The following IGSF11 variants were observed in gnomAD, a reference collection of about 807,000 sequenced individuals.
IGSF11 encodes the protein CXADR like 1.
A neutral mutation model predicts 41.0 loss-of-function variants in IGSF11; 22 were observed. The observed-to-expected ratio is 0.54, with a 90% CI of 0.38 to 0.77. The LOEUF is 0.77. IGSF11 is among the 30% of genes least tolerant of loss of function. The pLI is 0.00. For synonymous variants in IGSF11, 219 were observed against 201.3 expected, an observed-to-expected ratio of 1.09 and a Z score of -0.74; for missense variants, 444 against 530.8, an observed-to-expected ratio of 0.84 and a Z score of 1.61.
chr3:118,984,026 G>T (rs1935006476), intron 1 of IGSF11, among the ~76,000 whole-genome samples: 1 of 151,934 alleles, frequency 6.6e-6, no homozygotes, highest in South Asian at 2.1e-4. Flanking sequence ...TTCCTAGGGG[G>T]TTCAAATACA....
At chr3:119,097,957 A>ATTTTTTTTTTTTTTTTTTTTTTTTTTT (rs377746200) in intron 1 of IGSF11, among the ~76,000 whole-genome samples, 3 of 58,362 alleles carry the variant, frequency 5.1e-5, no homozygotes, top group South Asian at 1.1e-3. Context: ...CATTCAGCTA[A>ATTTTTTTTTTTTTTTTTTTTTTTTTTT]TTTTTTTTTT....
chr3:119,124,885 G>A (rs1653750306), intron 1 of IGSF11, among the ~76,000 whole-genome samples: 1 of 151,970 alleles, frequency 6.6e-6, no homozygotes, highest in African/African-American at 2.4e-5. Flanking sequence ...ACTCCCAAAG[G>A]TCAAGTATAA....
chr3:119,134,263 G>C (rs2077525343), intron 1 of IGSF11, among the ~76,000 whole-genome samples: 1 of 142,050 alleles, frequency 7.0e-6, no homozygotes, highest in Admixed American at 6.9e-5. Flanking sequence ...TAGGAAAAGA[G>C]GAAGTCAAAG....
chr3:119,076,120 A>G (rs1254603125), intron 1 of IGSF11, among the ~76,000 whole-genome samples: 1 of 152,206 alleles, frequency 6.6e-6, no homozygotes, highest in Non-Finnish European at 1.5e-5. Context: ...ATCTACAACC[A>G]TCTGATCTTT....
intron 1 of IGSF11, among the ~76,000 whole-genome samples, chr3:118,969,904 C>T (rs1229203168): frequency 6.6e-6 from 1 of 152,180 alleles, no homozygotes; most frequent in African/African-American, 2.4e-5. Flanking sequence ...AGCTCCTTCC[C>T]TCATCCTCCT....
At chr3:118,953,040 C>T (rs1488222881) in intron 1 of IGSF11, among the ~76,000 whole-genome samples, 1 of 151,884 alleles carries the variant, frequency 6.6e-6, no homozygotes, top group Non-Finnish European at 1.5e-5. Context: ...AGTCTTTTAT[C>T]CCGCATCCCC....
intron 1 of IGSF11, among the ~76,000 whole-genome samples, chr3:119,126,416 G>A (rs374484225): frequency 6.6e-6 from 1 of 152,230 alleles, no homozygotes; most frequent in South Asian, 2.1e-4. Flanking sequence ...TGCAGTCTCT[G>A]CAGACCAGCA....
chr3:118,901,321 A>G lies in IGSF11; in HGVS notation c.*1199T>C, dbSNP rs531010822. 2 of 152,326 alleles carry G rather than the reference A, an allele frequency of 1.3e-5. No individual in the cohort carries two copies. Among genetic ancestry groups the G allele is most frequent in the South Asian group, 4.1e-4 (2 of 4,832 alleles). 9.4% of individuals were successfully genotyped at this position (152,326 alleles called of 1,614,324 possible). A position where few individuals can be genotyped will look rare whatever the true frequency, so the allele number is the denominator to read the frequency against. On this transcript the variant is annotated 3_prime_UTR_variant, in exon 7 of 7. Transcript: ENST00000393775. Reference sequence around the variant, plus strand: ...GCATCTGGGCAACACTGCAACCCTGAGCTGACACAAATGTAGGGTAGACAC... The same window carrying G: ...GCATCTGGGCAACACTGCAACCCTGGGCTGACACAAATGTAGGGTAGACAC...
chr3:118,996,355 C>T (rs1357246988), intron 1 of IGSF11, among the ~76,000 whole-genome samples: 1 of 152,178 alleles, frequency 6.6e-6, no homozygotes, highest in African/African-American at 2.4e-5. Context: ...CCAAGTGTCA[C>T]TGATTCTAAT....
In IGSF11 at chr3:118,931,282, C is replaced by A. The variant is rs143488401; in HGVS notation, c.53-1007G>T. 9.2e-3 allele frequency among the ~76,000 whole-genome samples: 1,403 copies of A among 152,256 alleles called. 31 individuals carry two copies. Among genetic ancestry groups the A allele is most frequent in the African/African-American group, 0.032 (1,330 of 41,532 alleles). ...TAAATCATCGTAACATACAAGTAGT[C>A]AGCAATTTCGTTTACTAGGAATCTA... On this transcript the variant is annotated intron_variant, in intron 1 of 6. Transcript: ENST00000393775.
chr3:119,050,524 A>G (rs1941576295), intron 1 of IGSF11, among the ~76,000 whole-genome samples: 1 of 151,822 alleles, frequency 6.6e-6, no homozygotes. Context: ...GTGGAGAAAT[A>G]GGAACACTTT....
chr3:119,131,545 A>G (rs1176911752), intron 1 of IGSF11, among the ~76,000 whole-genome samples: 1 of 152,232 alleles, frequency 6.6e-6, no homozygotes, highest in Non-Finnish European at 1.5e-5. Flanking sequence ...GAAATATGGG[A>G]CTATGTGAAA....
At chr3:119,019,810 T>G (rs770609863) in intron 1 of IGSF11, among the ~76,000 whole-genome samples, 5 of 152,196 alleles carry the variant, frequency 3.3e-5, no homozygotes, top group African/African-American at 4.8e-5. Context: ...CCCTGTACTG[T>G]GACCCTGGCC....
At position 119,070,075 on chromosome 3, in the gene IGSF11, T is replaced by C. The variant is rs79732451; in HGVS notation, c.49+35069A>G. Among the ~76,000 whole-genome samples the C allele has an allele frequency of 0.015, 2,273 of 152,276 alleles. 91 individuals are homozygous for C. The East Asian group carries it at 0.16, about 10-fold the overall frequency. ...AACTGAAGCTCACAATGAAACTTGATCAAGAATACATAAGAAGTGAAGTTG... is the reference window on the plus strand; with the variant it reads ...AACTGAAGCTCACAATGAAACTTGACCAAGAATACATAAGAAGTGAAGTTG... On this transcript the variant is annotated intron_variant, in intron 1 of 6. Coordinates refer to the IGSF11 transcript ENST00000354673.
At position 118,902,863 on chromosome 3, in the gene IGSF11, T is replaced by C. The variant is rs1275018023; in HGVS notation, c.953A>G (p.Asn318Ser). The stretch of plus-strand genomic sequence containing the variant: ...TGGATTGTTGCTCCAGTATCGACTG[T>C]TGTAGGCATTGGAAGAGGTTAGTGT... Reference protein sequence around the residue: ...NNTLTSSNAYNSRYWSNNPKV... With the variant: ...NNTLTSSNAYSSRYWSNNPKV... The change falls in exon 7 of 7, where the codon AAC (asparagine) becomes AGC (serine). Residue 318 changes from asparagine to serine, a missense_variant. Around this residue, in one of 3 missense-constraint regions of IGSF11, gnomAD observed 223 missense variants for 226.2 expected, o/e 0.99. Coordinates refer to ENST00000393775, the MANE Select transcript of IGSF11 (RefSeq NM_001015887.3). The C allele has an allele frequency of 6.2e-7, 1 of 1,614,160 alleles. No homozygotes were observed. Among genetic ancestry groups the C allele is most frequent in the Non-Finnish European group, 8.5e-7 (1 of 1,179,998 alleles).
chr3:119,045,580 A>G (rs1414262755), intron 1 of IGSF11, among the ~76,000 whole-genome samples: 1 of 152,002 alleles, frequency 6.6e-6, no homozygotes, highest in East Asian at 1.9e-4. Flanking sequence ...GGCGCCCACC[A>G]TTGCCCAGGC....
chr3:119,009,211 T>A (rs1473935862), intron 1 of IGSF11, among the ~76,000 whole-genome samples: 1 of 152,142 alleles, frequency 6.6e-6, no homozygotes, highest in Non-Finnish European at 1.5e-5. Flanking sequence ...GAGTAAAACA[T>A]TTGAAATTCT....
At chr3:118,917,123 T>C (rs1288257314) in intron 4 of IGSF11, among the ~76,000 whole-genome samples, 1 of 151,272 alleles carries the variant, frequency 6.6e-6, no homozygotes, top group East Asian at 2.0e-4. Flanking sequence ...TAGAGGGAAA[T>C]TTATAGCACT....
chr3:118,919,328 C>A (rs1404029058), intron 4 of IGSF11, among the ~76,000 whole-genome samples: 1 of 134,736 alleles, frequency 7.4e-6, no homozygotes, highest in African/African-American at 3.1e-5. Context: ...AGGCAACCTA[C>A]AACATGGGAG....
Sources: gnomAD v4.1 joint callset for allele counts (sites outside exome capture counted in the v4.1 genomes callset) on GRCh38, gnomAD v4.1.1 for gene constraint, gnomAD v4.1.1 regional missense constraint, MANE v1.5 for transcripts, NCBI Gene and HGNC (gene_info 2026-07-23, HGNC 2026-07-21) for gene names.